Variants in UGT1A10 observed in about 807,000 individuals in gnomAD.
UGT1A10 encodes the protein UDP-glucuronosyltransferase 1A10.
Under a neutral mutation model 45.8 loss-of-function variants are expected in UGT1A10, and 49 were observed. The observed-to-expected ratio is 1.07, with a 90% CI of 0.85 to 1.36. UGT1A10 has a LOEUF of 1.36. Ranked by LOEUF, UGT1A10 falls within the 40% of genes most tolerant of loss-of-function variation. The pLI is 0.00. For synonymous variants in UGT1A10, 284 were observed against 249.7 expected, an observed-to-expected ratio of 1.14 and a Z score of -1.29; for missense variants, 745 against 668.6, an observed-to-expected ratio of 1.11 and a Z score of -1.26.
Position 233,637,365 on chromosome 2 carries a change from G to A in UGT1A10, c.843G>A (p.Lys281=), listed in dbSNP as rs1309536875. 1.2e-6 allele frequency: 2 copies of A among 1,612,922 alleles called. No homozygotes were observed. Among genetic ancestry groups the A allele is most frequent in the South Asian group, 1.1e-5 (1 of 90,972 alleles). ...GTGGTATCAACTGTCATCAGGGAAA[G>A]CCATTGCCTATGGTAAGTCACCTCT... is the stretch of plus-strand genomic sequence containing the variant. ...FIGGINCHQG[K]PLPMEFEAYI... is the part of the protein sequence containing the mutation. The change falls in exon 1 of 5, where the codon AAG becomes AAA. Residue 281 remains lysine (K), a synonymous_variant. Coordinates refer to ENST00000344644, the MANE Select transcript of UGT1A10 (RefSeq NM_019075.4).
At chr2:233,675,829 C>A (rs2074337151) in intron 1 of UGT1A10, among the ~76,000 whole-genome samples, 1 of 152,108 alleles carries the variant, frequency 6.6e-6, no homozygotes, top group Admixed American at 6.5e-5. Flanking sequence ...CATTCCATCA[C>A]TGAACAATTC....
Position 233,767,856 on chromosome 2 carries a change from G to C in UGT1A10, c.995G>C (p.Trp332Ser), listed in dbSNP as rs1181740769. ...ALGKIPQTVL[W>S]RYTGTRPSNL... Reference sequence around the variant, plus strand: ...TCTTTTTGCCCCTCCCAGGTCCTGTGGCGGTACACTGGAACCCGACCATCG... The same window carrying C: ...TCTTTTTGCCCCTCCCAGGTCCTGTCGCGGTACACTGGAACCCGACCATCG... The change falls in exon 3 of 5, where the codon TGG becomes TCG. Residue 332 changes from tryptophan (W) to serine (S), a missense_variant. Physicochemically the swap from Trp to Ser is radical, Grantham distance 177. Coordinates refer to ENST00000344644, the MANE Select transcript of UGT1A10 (RefSeq NM_019075.4). 1 of 1,614,108 alleles carries C rather than the reference G, an allele frequency of 6.2e-7. No individual in the cohort carries two copies. Among genetic ancestry groups the C allele is most frequent in the South Asian group, 1.1e-5 (1 of 91,082 alleles).
At chr2:233,679,076 C>T (rs1041431725) in intron 1 of UGT1A10, among the ~76,000 whole-genome samples, 5 of 152,300 alleles carry the variant, frequency 3.3e-5, no homozygotes, top group Non-Finnish European at 7.4e-5. Context: ...GTATTGACAA[C>T]CTTTTCCATA....
chr2:233,665,041 T>C (rs1361991382), intron 1 of UGT1A10, among the ~76,000 whole-genome samples: 1 of 152,270 alleles, frequency 6.6e-6, no homozygotes, highest in Non-Finnish European at 1.5e-5. Flanking sequence ...TGCATCATTT[T>C]CATTTTTTGA....
chr2:233,647,166 C>T (rs898176260), intron 1 of UGT1A10, among the ~76,000 whole-genome samples: 1 of 152,190 alleles, frequency 6.6e-6, no homozygotes, highest in Non-Finnish European at 1.5e-5. Context: ...GGGAAACGCC[C>T]AGCCCCATGA....
chr2:233,637,198 A>G lies in UGT1A10; in HGVS notation c.676A>G (p.Asn226Asp), dbSNP rs757815108. The change falls in exon 1 of 5, where the codon AAT (asparagine) becomes GAT (aspartate). Residue 226 changes from asparagine (N) to aspartate (D), a missense_variant. By Grantham distance (23) the Asn-to-Asp change is conservative. Transcript: ENST00000344644. ...DHLFCQYLFR[N>D]ALEIASEILQ... Reference sequence around the variant, plus strand: ...TTTATTTTGCCAGTATCTTTTTAGAAATGCCCTAGAAATAGCCTCTGAAAT... The same window carrying G: ...TTTATTTTGCCAGTATCTTTTTAGAGATGCCCTAGAAATAGCCTCTGAAAT... 6.2e-7 allele frequency: 1 copy of G among 1,613,918 alleles called. No homozygotes were observed. Among genetic ancestry groups the G allele is most frequent in the South Asian group, 1.1e-5 (1 of 91,072 alleles).
intron 1 of UGT1A10, among the ~76,000 whole-genome samples, chr2:233,684,011 T>C (rs2074659673): frequency 6.6e-6 from 1 of 152,182 alleles, no homozygotes; most frequent in East Asian, 1.9e-4. Context: ...AGAGTAAGAT[T>C]CTTGGCAAAT....
chr2:233,713,288 G>T (rs767329942), intron 1 of UGT1A10: 6 of 1,614,202 alleles, frequency 3.7e-6, no homozygotes, highest in Non-Finnish European at 5.1e-6. Context: ...ACACTCAATC[G>T]TTCTTTGAAA....
chr2:233,668,518 G>A (rs749078423), intron 1 of UGT1A10, among the ~76,000 whole-genome samples: 4 of 152,124 alleles, frequency 2.6e-5, no homozygotes, highest in Admixed American at 6.5e-5. Flanking sequence ...ATAAACATAC[G>A]TGTGCATGTG....
chr2:233,652,379 C>T (rs1251165883), intron 1 of UGT1A10, among the ~76,000 whole-genome samples: 3 of 152,144 alleles, frequency 2.0e-5, no homozygotes, highest in Non-Finnish European at 4.4e-5. Context: ...TATACTGATT[C>T]ATGTATCTGC....
chr2:233,704,825 T>C (rs900161304), intron 1 of UGT1A10, among the ~76,000 whole-genome samples: 13 of 152,104 alleles, frequency 8.5e-5, no homozygotes, highest in Admixed American at 6.5e-4. Flanking sequence ...TTTTTAGGAT[T>C]GCTTTTAAAA....
chr2:233,683,629 A>G (rs1418410501), intron 1 of UGT1A10, among the ~76,000 whole-genome samples: 1 of 152,134 alleles, frequency 6.6e-6, no homozygotes, highest in African/African-American at 2.4e-5. Context: ...TTATTTCCAT[A>G]AATAAAATTT....
chr2:233,644,607 G>T (rs1293230419), intron 1 of UGT1A10, among the ~76,000 whole-genome samples: 1 of 151,994 alleles, frequency 6.6e-6, no homozygotes, highest in Non-Finnish European at 1.5e-5. Context: ...CGCTCTCTCA[G>T]TGGGTGGGTG....
intron 1 of UGT1A10, among the ~76,000 whole-genome samples, chr2:233,715,914 T>C (rs554442850): frequency 1.6e-4 from 24 of 152,214 alleles, no homozygotes; most frequent in Non-Finnish European, 3.1e-4. Context: ...GGGAGGATCA[T>C]TGAGCTCAGG....
rs1700557199 is a variant in UGT1A10 at position 233,772,921 on chromosome 2, GT to G, written c.*366del. ...ACGGCTGCCCCTACTGCAAATGGCA[GT>G]TTTAATCTTATCTTTTGGCTTCTGC... On this transcript the variant is annotated 3_prime_UTR_variant, in exon 5 of 5. Coordinates refer to ENST00000344644, the MANE Select transcript of UGT1A10 (RefSeq NM_019075.4). 2.7e-6 allele frequency: 1 copy of G among 366,684 alleles called. No individual in the cohort carries two copies. The highest frequency in any genetic ancestry group is 2.1e-5 in the African/African-American group (1 of 47,608). 22.7% of individuals were successfully genotyped at this position (366,684 alleles called of 1,614,324 possible). A position where few individuals can be genotyped will look rare whatever the true frequency, so the allele number is the denominator to read the frequency against.
chr2:233,727,615 G>A (rs1416380597), intron 1 of UGT1A10, among the ~76,000 whole-genome samples: 1 of 152,148 alleles, frequency 6.6e-6, no homozygotes, highest in Non-Finnish European at 1.5e-5. Flanking sequence ...TAGTTCAGAG[G>A]CTGAGAGGTT....
chr2:233,743,732 C>G (rs1474165671), intron 1 of UGT1A10: 4 of 1,367,408 alleles, frequency 2.9e-6, no homozygotes, highest in Non-Finnish European at 3.9e-6. Flanking sequence ...ATAGATATCG[C>G]GTTTCTTGGC....
rs778738161 is a variant in UGT1A10, at chr2:233,672,794, G to A, written c.855+35417G>A. 5.6e-6 allele frequency: 9 copies of A among 1,612,650 alleles called. No homozygotes were observed. In the East Asian group the frequency reaches 6.7e-5, roughly 12 times the overall value. On this transcript the variant is annotated intron_variant, in intron 1 of 4. Coordinates refer to ENST00000344644, the MANE Select transcript of UGT1A10 (RefSeq NM_019075.4). ...CAGGGAAAGCCGTTGCCTATGGTAA[G>A]TTATCTCTCCTTTAGCACCTTAAGA...
rs1293478341 is a variant in UGT1A10, at chr2:233,720,768, G to A, written c.856-46266G>A. On this transcript the variant is annotated intron_variant, in intron 1 of 4. Coordinates refer to ENST00000344644, the MANE Select transcript of UGT1A10 (RefSeq NM_019075.4). ...TCGCCCAGGCTGGAGGGCAGTGGCCGGATCTCCGCTCACTGCAACCTTCAC... is the reference window on the plus strand; with the variant it reads ...TCGCCCAGGCTGGAGGGCAGTGGCCAGATCTCCGCTCACTGCAACCTTCAC... Among the ~76,000 whole-genome samples, 6 of 150,528 alleles carry A rather than the reference G, an allele frequency of 4.0e-5. No individual in the cohort carries two copies. The South Asian group carries it at 8.4e-4, about 21-fold the overall frequency.
Sources: gnomAD v4.1 joint callset for allele counts (sites outside exome capture counted in the v4.1 genomes callset) on GRCh38, gnomAD v4.1.1 for gene constraint, MANE v1.5 for transcripts, NCBI Gene and HGNC (gene_info 2026-07-23, HGNC 2026-07-21) for gene names.